NEK3: variants seen among roughly 807,000 people sequenced by gnomAD.
NEK3 encodes the protein serine/threonine-protein kinase Nek3.
In NEK3, 54 loss-of-function variants were observed where a neutral mutation model predicts 66.0. That is an observed-to-expected ratio of 0.82 (90% confidence interval 0.66 to 1.03). NEK3 has a LOEUF of 1.03. Ranked by LOEUF, NEK3 falls within the 50% of genes least tolerant of loss-of-function variation. NEK3 has a pLI of 0.00. For synonymous variants in NEK3, 200 were observed against 206.2 expected (o/e 0.97, Z 0.26); for missense variants, 593 against 603.0 (o/e 0.98, Z 0.17).
intron 14 of NEK3, 50 bp from the exon 15 acceptor site, chr13:52,133,865 A>G: frequency 6.5e-7 from 1 of 1,533,496 alleles, no homozygotes; most frequent in Non-Finnish European, 8.8e-7. Context: ...GTATTTACTT[A>G]TTTCATGCAG....
chr13:52,158,469 C>T (rs1408511288), intron 1 of NEK3, among the ~76,000 whole-genome samples: 1 of 152,182 alleles, frequency 6.6e-6, no homozygotes, highest in African/African-American at 2.4e-5. Context: ...CCTGGTATTA[C>T]ACGGTTTAAC....
At chr13:52,145,659 T>C (rs1349724447) in intron 8 of NEK3, among the ~76,000 whole-genome samples, 1 of 152,090 alleles carries the variant, frequency 6.6e-6, no homozygotes, top group Non-Finnish European at 1.5e-5. Context: ...TTTTTAACCA[T>C]TCCTGTCATT....
chr13:52,146,694 T>C (rs1213658124), intron 8 of NEK3, among the ~76,000 whole-genome samples: 1 of 152,238 alleles, frequency 6.6e-6, no homozygotes, highest in Non-Finnish European at 1.5e-5. Context: ...TTTTCAGAGA[T>C]TTTAATTCAA....
At chr13:52,143,333 C>T (rs749041616) in intron 10 of NEK3, among the ~76,000 whole-genome samples, 7 of 150,462 alleles carry the variant, frequency 4.7e-5, no homozygotes, top group Non-Finnish European at 7.4e-5. Flanking sequence ...AAAAAACAAG[C>T]AGTTTTAGGT....
Position 52,144,694 on chromosome 13 carries a change from G to GGGGGGTAA in NEK3, c.793_800dup (p.Glu268TyrfsTer14). ...ACCAATCCAACACAGATCATACCTC[G>GGGGGGTAA]GGGGGTAAGCACTTCTGGACAAGCC... On this transcript the variant is annotated frameshift_variant, in exon 9 of 16. Coordinates refer to ENST00000610828, the MANE Select transcript of NEK3 (RefSeq NM_002498.3). LOFTEE classifies it high-confidence loss of function. The GGGGGGTAA allele has an allele frequency of 6.2e-7, 1 of 1,613,166 alleles. No homozygotes were observed. Among genetic ancestry groups the GGGGGGTAA allele is most frequent in the Non-Finnish European group, 8.5e-7 (1 of 1,179,380 alleles).
In NEK3 at chr13:52,140,919, AT is replaced by A. The variant is rs752822622; in HGVS notation, c.927+100del. 2.0e-5 allele frequency: 18 copies of A among 900,610 alleles called. No homozygotes were observed. In the East Asian group the frequency reaches 3.4e-4, roughly 17 times the overall value. 55.8% of individuals were successfully genotyped at this position (900,610 alleles called of 1,614,324 possible). A position where few individuals can be genotyped will look rare whatever the true frequency, so the allele number is the denominator to read the frequency against. On this transcript the variant is annotated intron_variant, in intron 11 of 15. Transcript: ENST00000610828. ...CAACCTCCGCCTCCAGGTTCACTTG[AT>A]TCTCCTGCCTCAACCTCCCGAGTAG...
intron 11 of NEK3, among the ~76,000 whole-genome samples, chr13:52,140,476 C>T (rs1445337431): frequency 2.6e-5 from 4 of 151,796 alleles, no homozygotes; most frequent in Admixed American, 1.3e-4. Flanking sequence ...GGCATGGTAG[C>T]GGGTGCCTGC....
At chr13:52,151,125 C>T (rs142911588) in intron 7 of NEK3, 21 bp downstream of exon 7, 5 of 1,589,212 alleles carry the variant, frequency 3.1e-6, no homozygotes, top group East Asian at 2.3e-5. Flanking sequence ...GGCACCCTGA[C>T]ATCAAATATG....
In NEK3 at chr13:52,151,190, A is replaced by G. The variant is rs752665212; in HGVS notation, c.504T>C (p.Tyr168=). Residue 168 remains tyrosine (Y), a synonymous_variant, in exon 7 of 16, where the codon TAT becomes TAC. Transcript: ENST00000610828. ...GGTTTTCCCAAATTTCTGGAGGCAC[A>G]TAATAAGGAGTTCCCACATAGGTAC... The part of the protein sequence containing the change: ...FACTYVGTPY[Y]VPPEIWENLP... 2 of 1,610,792 alleles carry G rather than the reference A, an allele frequency of 1.2e-6. No homozygotes were observed. Among genetic ancestry groups the G allele is most frequent in the South Asian group, 1.1e-5 (1 of 90,046 alleles).
chr13:52,151,522 A>C, intron 5 of NEK3, 130 bp from the exon 6 acceptor site: 1 of 741,718 alleles, frequency 1.3e-6, no homozygotes, highest in South Asian at 1.7e-5. Flanking sequence ...CCAGAGTGGA[A>C]CACAAAACAC....
intron 7 of NEK3, 110 bp downstream of exon 7, chr13:52,151,036 C>A: frequency 1.3e-6 from 1 of 774,176 alleles, no homozygotes. Flanking sequence ...TCTTAGAAAC[C>A]AATATGATCC....
chr13:52,134,812 G>A (rs1387457076), intron 14 of NEK3, among the ~76,000 whole-genome samples: 2 of 152,094 alleles, frequency 1.3e-5, no homozygotes, highest in Non-Finnish European at 2.9e-5. Flanking sequence ...GATCTTTTGT[G>A]CACAGCTCTA....
Position 52,135,735 on chromosome 13 carries a change from T to C in NEK3, c.1303A>G (p.Arg435Gly). The change falls in exon 14 of 16, where the codon AGA (arginine) becomes GGA (glycine). Residue 435 changes from arginine to glycine, a missense_variant. Arg to Gly is a moderately radical substitution (Grantham distance 125). Transcript: ENST00000610828. ...SLAFQTYTIY[R>G]PGSEGFLKGP... ...ACATACAGACATGAATTACCTGGTC[T>C]ATATATTGTGTATGTTTGAAAAGCC... 6.2e-7 allele frequency: 1 copy of C among 1,611,934 alleles called. No individual in the cohort carries two copies.
intron 11 of NEK3, among the ~76,000 whole-genome samples, 187 bp from the exon 12 acceptor site, chr13:52,137,089 T>G (rs1320546614): frequency 6.6e-6 from 1 of 152,102 alleles, no homozygotes; most frequent in Non-Finnish European, 1.5e-5. Context: ...TAATAACATA[T>G]ATATGTACAT....
At chr13:52,155,195 C>T (rs1180494534) in intron 2 of NEK3, among the ~76,000 whole-genome samples, 1 of 151,928 alleles carries the variant, frequency 6.6e-6, no homozygotes, top group Non-Finnish European at 1.5e-5. Context: ...GTCAAGAATA[C>T]AGTGGGAAAA....
chr13:52,148,408 T>G lies in NEK3; in HGVS notation c.603+7A>C. ...GCTGCCTTTTCCATTTTGCACGCCA[T>G]ACTTACTGGATGCTTAAGGGTACAG... On this transcript the variant is annotated splice_region_variant and intron_variant, in intron 8 of 15. Coordinates refer to ENST00000610828, the MANE Select transcript of NEK3 (RefSeq NM_002498.3). 1 of 1,613,050 alleles carries G rather than the reference T, an allele frequency of 6.2e-7. No homozygotes were observed. The highest frequency in any genetic ancestry group is 8.5e-7 in the Non-Finnish European group (1 of 1,179,288).
chr13:52,147,861 T>C (rs1956307235), intron 8 of NEK3, among the ~76,000 whole-genome samples: 1 of 152,132 alleles, frequency 6.6e-6, no homozygotes, highest in Non-Finnish European at 1.5e-5. Flanking sequence ...CTGGGCATGG[T>C]GGTATGCACC....
chr13:52,145,959 A>G (rs1474974297), intron 8 of NEK3, among the ~76,000 whole-genome samples: 2 of 152,224 alleles, frequency 1.3e-5, no homozygotes, highest in African/African-American at 2.4e-5. Flanking sequence ...AAAATTTTAA[A>G]TAAGATATTT....
intron 8 of NEK3, among the ~76,000 whole-genome samples, chr13:52,147,662 G>T (rs745708623): frequency 2.0e-5 from 3 of 152,120 alleles, no homozygotes; most frequent in Non-Finnish European, 2.9e-5. Context: ...TTGGGGTGAT[G>T]ACAAAAGTTT....
Sources: allele counts gnomAD v4.1 joint callset (sites outside exome capture counted in the v4.1 genomes callset), GRCh38; gene constraint gnomAD v4.1.1; transcripts MANE v1.5; gene names NCBI Gene and HGNC (gene_info 2026-07-23, HGNC 2026-07-21).